The following BICD1 variants were observed in gnomAD, a reference collection of about 807,000 sequenced individuals.
BICD1 encodes BICD cargo adaptor 1, also known as protein bicaudal D homolog 1.
In BICD1, 35 loss-of-function variants were observed where a neutral mutation model predicts 92.5. The ratio of observed to expected loss-of-function variants is 0.38; its 90% CI spans 0.29 to 0.50. The LOEUF is 0.50. Ranked by LOEUF, BICD1 falls within the 20% of genes least tolerant of loss-of-function variation. The probability of loss-of-function intolerance (pLI) is 0.93; values close to 1 mark genes in which losing one functional copy is unlikely to be tolerated. For missense variants in BICD1, 950 were observed against 1,189.8 expected (o/e 0.80, Z 2.97); for synonymous variants, 429 against 465.1 (o/e 0.92, Z 1.00).
At chr12:32,158,106 C>CTTT (rs35906528) in intron 1 of BICD1, among the ~76,000 whole-genome samples, 14 of 125,734 alleles carry the variant, frequency 1.1e-4, no homozygotes, top group South Asian at 2.9e-4. Flanking sequence ...TTTTTTTTTT[C>CTTT]TTTTTTTTTT....
chr12:32,318,971 G>A lies in BICD1; in HGVS notation c.1006-8490G>A, dbSNP rs555249554. Among the ~76,000 whole-genome samples, 105 of 152,012 alleles carry A rather than the reference G, an allele frequency of 6.9e-4. No homozygotes were observed. In the Middle Eastern group the frequency reaches 0.031, roughly 44 times the overall value. On this transcript the variant is annotated intron_variant, in intron 4 of 9. Transcript: ENST00000652176. ...GTATATAGAAATACAACTGATGTTC[G>A]TATATTGATTTTGTATCCTGCCACC... is the stretch of plus-strand genomic sequence containing the variant.
intron 1 of BICD1, among the ~76,000 whole-genome samples, chr12:32,160,758 T>G (rs564363354): frequency 2.0e-3 from 312 of 152,336 alleles, no homozygotes; most frequent in Non-Finnish European, 3.5e-3. Flanking sequence ...TGTTTGTGAC[T>G]GTTGAAACAT....
In BICD1 at chr12:32,192,629, A is replaced by G. The variant is rs140046587; in HGVS notation, c.214-23618A>G. 5.3e-5 allele frequency among the ~76,000 whole-genome samples: 8 copies of G among 152,324 alleles called. No homozygotes were observed. In the East Asian group the frequency reaches 1.2e-3, roughly 22 times the overall value. On this transcript the variant is annotated intron_variant, in intron 1 of 9. Transcript: ENST00000652176. ...TATGAAGACTGAGAGAGGCAGTGCT[A>G]TGGAAGGAGAGTTTGGTACTAGCAG...
chr12:32,173,639 C>T lies in BICD1; in HGVS notation c.214-42608C>T, dbSNP rs536801781. 3.3e-5 allele frequency among the ~76,000 whole-genome samples: 5 copies of T among 152,240 alleles called. No individual in the cohort carries two copies. In the South Asian group the frequency reaches 1.0e-3, roughly 32 times the overall value. On this transcript the variant is annotated intron_variant, in intron 1 of 9. Coordinates refer to ENST00000652176, the MANE Select transcript of BICD1 (RefSeq NM_001714.4). ...GTTTTGCTTCTTCTCAGTTCAGTAG[C>T]TCAAAGAGAGAAAAAACACCCAAAG...
At chr12:32,138,321 G>A (rs1942800115) in intron 1 of BICD1, among the ~76,000 whole-genome samples, 1 of 152,128 alleles carries the variant, frequency 6.6e-6, no homozygotes, top group Non-Finnish European at 1.5e-5. Context: ...TGACTTCAAA[G>A]CTTGTATTGA....
Position 32,337,843 on chromosome 12 carries a change from C to A in BICD1, c.2570+27C>A. The A allele has an allele frequency of 6.2e-7, 1 of 1,606,466 alleles. No homozygotes were observed. Among genetic ancestry groups the A allele is most frequent in the Non-Finnish European group, 8.5e-7 (1 of 1,173,476 alleles). ...TATGCATGCAGCGATCTTCATAGTA[C>A]GGTGCAGTGGCCAGATTTTAGTTAA... is the stretch of plus-strand genomic sequence containing the variant. On this transcript the variant is annotated intron_variant, in intron 7 of 9. Coordinates refer to ENST00000652176, the MANE Select transcript of BICD1 (RefSeq NM_001714.4). The surrounding 1 kb of genome is among the most constrained non-coding windows in gnomAD (Gnocchi z 4.7).
At chr12:32,296,060 C>G (rs1160636445) in intron 3 of BICD1, among the ~76,000 whole-genome samples, 1 of 152,008 alleles carries the variant, frequency 6.6e-6, no homozygotes, top group Non-Finnish European at 1.5e-5. Context: ...TGGAGTATCC[C>G]CATGTGTTTC....
intron 8 of BICD1, 142 bp from the exon 9 acceptor site, chr12:32,367,528 A>T: frequency 1.5e-6 from 1 of 674,600 alleles, no homozygotes; most frequent in Non-Finnish European, 2.4e-6. Context: ...TTCAAGAAGA[A>T]AAAAAAAAAG....
intron 8 of BICD1, among the ~76,000 whole-genome samples, chr12:32,359,220 A>G (rs1314361676): frequency 3.3e-5 from 5 of 152,196 alleles, no homozygotes; most frequent in African/African-American, 9.6e-5. Context: ...TTTAATGAAT[A>G]TTGACTGTTT....
chr12:32,223,377 G>A (rs1169697450), intron 2 of BICD1, among the ~76,000 whole-genome samples: 2 of 152,164 alleles, frequency 1.3e-5, no homozygotes, highest in Admixed American at 6.5e-5. Context: ...AATTAGCTGG[G>A]CATGGTGGCG....
intron 4 of BICD1, among the ~76,000 whole-genome samples, chr12:32,306,398 C>T (rs1185685669): frequency 6.6e-6 from 1 of 151,902 alleles, no homozygotes; most frequent in African/African-American, 2.4e-5. Context: ...TGCCCGCCAC[C>T]ATGCCCGGCT....
intron 1 of BICD1, among the ~76,000 whole-genome samples, chr12:32,126,869 T>C (rs963005608): frequency 5.6e-4 from 85 of 152,332 alleles, no homozygotes; most frequent in African/African-American, 1.9e-3. Context: ...ACTTCATACC[T>C]TGTGGCTCTA....
At chr12:32,118,590 A>G (rs894210015) in intron 1 of BICD1, among the ~76,000 whole-genome samples, 5 of 152,182 alleles carry the variant, frequency 3.3e-5, no homozygotes, top group African/African-American at 1.2e-4. Flanking sequence ...ATTAGGTATT[A>G]TAAGTAATCT....
At chr12:32,112,121 T>C (rs1359985199) in intron 1 of BICD1, among the ~76,000 whole-genome samples, 1 of 151,092 alleles carries the variant, frequency 6.6e-6, no homozygotes, top group Non-Finnish European at 1.5e-5. Context: ...ATTCTTCTGC[T>C]TCAGCCTCCC....
chr12:32,320,458 A>G (rs551568952), intron 4 of BICD1, among the ~76,000 whole-genome samples: 3 of 152,152 alleles, frequency 2.0e-5, no homozygotes, highest in Admixed American at 1.3e-4. Context: ...CCTGGCCAAC[A>G]TGGTGAAACC....
intron 1 of BICD1, among the ~76,000 whole-genome samples, chr12:32,195,311 T>A (rs1592454842): frequency 6.6e-6 from 1 of 152,148 alleles, no homozygotes; most frequent in Non-Finnish European, 1.5e-5. Context: ...ACCAAAGCAA[T>A]CTTGAGAAAG....
At chr12:32,267,520 G>A (rs1423746692) in intron 2 of BICD1, among the ~76,000 whole-genome samples, 1 of 152,152 alleles carries the variant, frequency 6.6e-6, no homozygotes, top group Admixed American at 6.5e-5. Flanking sequence ...TCTATTCCTA[G>A]TTAGAGGCTG....
intron 1 of BICD1, among the ~76,000 whole-genome samples, chr12:32,183,496 A>T (rs1797501): frequency 0.46 from 69,955 of 151,598 alleles, 16,579 homozygotes; most frequent in Admixed American, 0.57. Flanking sequence ...TGAACTCCTG[A>T]CCTTGTGATC....
At chr12:32,310,124 C>T (rs181707386) in intron 4 of BICD1, among the ~76,000 whole-genome samples, 38 of 152,306 alleles carry the variant, frequency 2.5e-4, no homozygotes, top group African/African-American at 7.9e-4. Flanking sequence ...TTTCTTCCTT[C>T]TGATCAAGTA....
Sources: allele counts gnomAD v4.1 joint callset (sites outside exome capture counted in the v4.1 genomes callset), GRCh38; gene constraint gnomAD v4.1.1; non-coding constraint Gnocchi (gnomAD v3.1); transcripts MANE v1.5; gene names NCBI Gene and HGNC (gene_info 2026-07-23, HGNC 2026-07-21).